Variants in LSM5 observed in about 807,000 individuals in gnomAD.
LSM5 encodes the protein U6 snRNA-associated Sm-like protein LSm5.
LSM5 carries 8 observed loss-of-function variants against 13.8 expected under a neutral mutation model. The observed-to-expected ratio is 0.58, with a 90% CI of 0.34 to 1.04. The LOEUF is 1.04. Ranked by LOEUF, LSM5 falls within the 50% of genes least tolerant of loss-of-function variation. The probability of loss-of-function intolerance (pLI) is 0.03; values close to 1 mark genes in which losing one functional copy is unlikely to be tolerated. For missense variants in LSM5, 80 were observed against 108.1 expected, an observed-to-expected ratio of 0.74 and a Z score of 1.15; for synonymous variants, 35 against 37.0, an observed-to-expected ratio of 0.95 and a Z score of 0.20.
chr7:32,491,039 T>G (rs1472641194), upstream of LSM5, among the ~76,000 whole-genome samples: 1 of 152,222 alleles, frequency 6.6e-6, no homozygotes, highest in Admixed American at 6.5e-5. Flanking sequence ...TTTCCACTTC[T>G]GTGTTGAAAA....
upstream of LSM5, among the ~76,000 whole-genome samples, chr7:32,492,225 T>C (rs1786610700): frequency 1.3e-5 from 2 of 152,174 alleles, no homozygotes. Flanking sequence ...TGATAGAGTT[T>C]TTAAAAATTA....
At chr7:32,490,901 TTCTTA>T (rs1466049066), upstream of LSM5, 2 of 158,186 alleles carry the variant, frequency 1.3e-5, no homozygotes, top group African/African-American at 2.4e-5. Flanking sequence ...TAATTCATCG[TTCTTA>T]TCTTTTTATG....
intron 3 of LSM5, 188 bp downstream of exon 3, chr7:32,488,437 G>T: frequency 3.9e-6 from 2 of 517,852 alleles, no homozygotes; most frequent in South Asian, 2.8e-5. Context: ...TAATATTCTA[G>T]GCGTTTACTA....
chr7:32,488,690 C>T (rs1328956099), intron 2 of LSM5, 38 bp from the exon 3 acceptor site: 3 of 1,369,104 alleles, frequency 2.2e-6, no homozygotes, highest in South Asian at 2.4e-5. Flanking sequence ...ACAGAATTTA[C>T]TCTAGCTTCT....
At chr7:32,490,386 G>A, upstream of LSM5, 1 of 1,593,842 alleles carries the variant, frequency 6.3e-7, no homozygotes, top group Non-Finnish European at 8.6e-7. Context: ...GAAGTGGCCT[G>A]CCTTCATTGA....
At chr7:32,493,861 T>C (rs1242051235), upstream of LSM5, among the ~76,000 whole-genome samples, 3 of 150,030 alleles carry the variant, frequency 2.0e-5, no homozygotes, top group Non-Finnish European at 4.4e-5. Flanking sequence ...ATATATCTTT[T>C]TTTTTTTTAG....
At chr7:32,490,171 C>A (rs1171421268) in intron 1 of LSM5, 149 bp downstream of exon 1, 1 of 1,552,876 alleles carries the variant, frequency 6.4e-7, no homozygotes, top group African/African-American at 1.4e-5. Context: ...GTGCGGCCTG[C>A]TGTCGCGAAG....
intron 1 of LSM5, 47 bp from the exon 2 acceptor site, chr7:32,489,391 T>C (rs762103476): frequency 9.5e-7 from 1 of 1,055,516 alleles, no homozygotes; most frequent in South Asian, 1.3e-5. Context: ...TTTCAACAAA[T>C]ATTTGAGTGC....
At chr7:32,493,853 A>G (rs1259744268), upstream of LSM5, among the ~76,000 whole-genome samples, 1 of 134,116 alleles carries the variant, frequency 7.5e-6, no homozygotes, top group Non-Finnish European at 1.6e-5. Flanking sequence ...CTTTTTATAT[A>G]TATCTTTTTT....
upstream of LSM5, among the ~76,000 whole-genome samples, chr7:32,492,809 A>C (rs2128106575): frequency 6.6e-6 from 1 of 152,342 alleles, no homozygotes; most frequent in South Asian, 2.1e-4. Context: ...CTTAAGTAGA[A>C]GACGTAAAAT....
At position 32,488,657 on chromosome 7, in the gene LSM5, A is replaced by G. The variant is rs1312099404; in HGVS notation, c.143-5T>C. The G allele has an allele frequency of 3.2e-6, 5 of 1,587,148 alleles. No individual in the cohort carries two copies. Among genetic ancestry groups the G allele is most frequent in the Non-Finnish European group, 4.3e-6 (5 of 1,156,166 alleles). ...TGACATCTTCCAGTACCATATCTGA[A>G]ATTTGGTGTTAAGAAAATAAATACA... On this transcript the variant is annotated splice_region_variant and splice_polypyrimidine_tract_variant and intron_variant, in intron 2 of 4. Coordinates refer to ENST00000450169, the MANE Select transcript of LSM5 (RefSeq NM_012322.3).
upstream of LSM5, among the ~76,000 whole-genome samples, chr7:32,491,215 G>C (rs1786577225): frequency 6.6e-6 from 1 of 151,998 alleles, no homozygotes; most frequent in South Asian, 2.1e-4. Flanking sequence ...GGCCAACATG[G>C]GTGAAACCCC....
upstream of LSM5, among the ~76,000 whole-genome samples, chr7:32,492,521 A>AAAC (rs1339274055): frequency 1.9e-5 from 2 of 104,552 alleles, no homozygotes; most frequent in East Asian, 3.6e-4. Context: ...CTCCATCTCA[A>AAAC]AACAACAACA....
At position 32,487,282 on chromosome 7, in the gene LSM5, T is replaced by C. The variant is rs1441911060; in HGVS notation, c.255A>G (p.Gly85=). ...TCATTCACACTTCAGGTCCTTCTCC[T>C]CCAGGAACCAGCTGCATAAAGAGGA... ...NGNNITMLVP[G]GEGPEV Residue 85 remains glycine (G), a synonymous_variant, in exon 5 of 5, where the codon GGA becomes GGG. Coordinates refer to ENST00000450169, the MANE Select transcript of LSM5 (RefSeq NM_012322.3). 3 of 1,613,634 alleles carry C rather than the reference T, an allele frequency of 1.9e-6. No homozygotes were observed. The highest frequency in any genetic ancestry group is 3.3e-5 in the Admixed American group (2 of 59,982).
intron 1 of LSM5, chr7:32,489,987 G>C: frequency 1.6e-6 from 2 of 1,262,894 alleles, no homozygotes; most frequent in South Asian, 1.5e-5. Context: ...ATCTAATCTG[G>C]GGATCGTAAA....
At chr7:32,493,044 T>C (rs1165625831), upstream of LSM5, among the ~76,000 whole-genome samples, 1 of 152,236 alleles carries the variant, frequency 6.6e-6, no homozygotes, top group Non-Finnish European at 1.5e-5. Context: ...GGCAGGCAAC[T>C]GTAGCCCCAG....
intron 1 of LSM5, 67 bp downstream of exon 1, chr7:32,490,253 A>G (rs974066857): frequency 1.2e-6 from 2 of 1,613,780 alleles, no homozygotes; most frequent in Non-Finnish European, 1.7e-6. Flanking sequence ...CTGCCTCGGA[A>G]CAGCCCCTCG....
At chr7:32,494,463 T>A (rs1164667096), upstream of LSM5, among the ~76,000 whole-genome samples, 1 of 152,232 alleles carries the variant, frequency 6.6e-6, no homozygotes, top group Non-Finnish European at 1.5e-5. Context: ...GGAAGCCTAC[T>A]GTTTTTCTCA....
intron 1 of LSM5, chr7:32,490,018 C>T: frequency 3.0e-6 from 4 of 1,354,738 alleles, no homozygotes; most frequent in Middle Eastern, 2.7e-4. Context: ...AGAAGTAGGC[C>T]TACTACCTAT....
Sources: gnomAD v4.1 joint callset for allele counts (sites outside exome capture counted in the v4.1 genomes callset) on GRCh38, gnomAD v4.1.1 for gene constraint, MANE v1.5 for transcripts, NCBI Gene and HGNC (gene_info 2026-07-23, HGNC 2026-07-21) for gene names.